The following ADAMTS3 variants were observed in gnomAD, a reference collection of about 807,000 sequenced individuals.
ADAMTS3 encodes A disintegrin and metalloproteinase with thrombospondin motifs 3.
Under a neutral mutation model 129.0 loss-of-function variants are expected in ADAMTS3, and 73 were observed. The ratio of observed to expected loss-of-function variants is 0.57; its 90% CI spans 0.47 to 0.69. The LOEUF is 0.69. Among genes scored for constraint, ADAMTS3 ranks in the 30% least tolerant of loss-of-function variants. The probability of loss-of-function intolerance (pLI) is 0.00; values close to 1 mark genes in which losing one functional copy is unlikely to be tolerated. For synonymous variants in ADAMTS3, 477 were observed against 510.8 expected (o/e 0.93, Z 0.89); for missense variants, 1,457 against 1,514.5 (o/e 0.96, Z 0.63).
intron 2 of ADAMTS3, among the ~76,000 whole-genome samples, chr4:72,556,276 A>G (rs1721764802): frequency 1.3e-5 from 2 of 151,698 alleles, no homozygotes; most frequent in Admixed American, 1.3e-4. Flanking sequence ...GGATCATCTT[A>G]ACTCCTTTAC....
chr4:72,530,458 A>G (rs1304649044), intron 3 of ADAMTS3, among the ~76,000 whole-genome samples: 3 of 90,764 alleles, frequency 3.3e-5, no homozygotes, highest in African/African-American at 1.4e-4. Context: ...TATATTATAT[A>G]TTAAATATAT....
chr4:72,498,526 C>A (rs1232390136), intron 3 of ADAMTS3, among the ~76,000 whole-genome samples: 1 of 151,908 alleles, frequency 6.6e-6, no homozygotes, highest in Non-Finnish European at 1.5e-5. Context: ...TTTGGGCATA[C>A]CTACTAAATC....
rs1213445293 is a variant in ADAMTS3, at chr4:72,309,499, T to C, written c.2077A>G (p.Ile693Val). The C allele has an allele frequency of 1.2e-6, 2 of 1,611,706 alleles. No individual in the cohort carries two copies. Among genetic ancestry groups the C allele is most frequent in the African/African-American group, 2.7e-5 (2 of 74,780 alleles). Residue 693 changes from isoleucine (I) to valine (V), a missense_variant, in exon 15 of 22, where the codon ATT becomes GTT. Ile to Val is a conservative substitution (Grantham distance 29). Coordinates refer to ENST00000286657, the MANE Select transcript of ADAMTS3 (RefSeq NM_014243.3). ...TTATCCTCAACCTTATTAGAACCAA[T>C]TTCTTTATCACAGCCCACTTTCTGG... Reference protein sequence around the residue: ...ECVKVGCDKEIGSNKVEDKCG... With the variant: ...ECVKVGCDKEVGSNKVEDKCG...
At chr4:72,432,732 G>T (rs868760648) in intron 3 of ADAMTS3, among the ~76,000 whole-genome samples, 2 of 151,822 alleles carry the variant, frequency 1.3e-5, no homozygotes, top group Non-Finnish European at 2.9e-5. Flanking sequence ...TATGCTGATG[G>T]TATCAAGGAC....
intron 3 of ADAMTS3, among the ~76,000 whole-genome samples, chr4:72,425,016 A>G (rs1480958980): frequency 6.6e-6 from 1 of 152,136 alleles, no homozygotes; most frequent in South Asian, 2.1e-4. Context: ...TGAATGACAT[A>G]TAAGTCCTAT....
intron 3 of ADAMTS3, among the ~76,000 whole-genome samples, chr4:72,427,877 T>C (rs1009688378): frequency 6.6e-6 from 1 of 152,094 alleles, no homozygotes; most frequent in African/African-American, 2.4e-5. Context: ...ACACAATATA[T>C]CTGTTGCTAA....
chr4:72,562,761 A>T (rs1459139159), intron 2 of ADAMTS3, among the ~76,000 whole-genome samples: 1 of 152,226 alleles, frequency 6.6e-6, no homozygotes, highest in African/African-American at 2.4e-5. Flanking sequence ...CTGACTAATT[A>T]AAAAGAAAAA....
At chr4:72,447,836 C>T (rs1053848598) in intron 3 of ADAMTS3, among the ~76,000 whole-genome samples, 1 of 151,724 alleles carries the variant, frequency 6.6e-6, no homozygotes, top group East Asian at 2.0e-4. Context: ...TAGAAAGCCA[C>T]CCCATGTGGC....
intron 21 of ADAMTS3, 68 bp from the exon 22 acceptor site, chr4:72,283,772 TA>T (rs1355541730): frequency 7.4e-7 from 1 of 1,353,216 alleles, no homozygotes. Context: ...GGAAAAAAAT[TA>T]AAATTTTTAA....
At chr4:72,508,926 T>C (rs1257295038) in intron 3 of ADAMTS3, among the ~76,000 whole-genome samples, 2 of 152,088 alleles carry the variant, frequency 1.3e-5, no homozygotes, top group Admixed American at 6.5e-5. Context: ...ATCAAGCATC[T>C]TCTCTAACCA....
intron 4 of ADAMTS3, among the ~76,000 whole-genome samples, chr4:72,401,720 A>T (rs2109909659): frequency 6.6e-6 from 1 of 152,190 alleles, no homozygotes; most frequent in East Asian, 1.9e-4. Flanking sequence ...TGTAGTTGTG[A>T]TTTAAGAAAA....
At position 72,298,430 on chromosome 4, in the gene ADAMTS3, C is replaced by A; in HGVS notation, c.2437G>T (p.Glu813Ter). Residue 813 changes from glutamate (E) to a stop codon, truncating the protein, a stop_gained, in exon 18 of 22, where the codon GAA (glutamate) becomes TAA (stop). Coordinates refer to ENST00000286657, the MANE Select transcript of ADAMTS3 (RefSeq NM_014243.3). LOFTEE classifies it high-confidence loss of function. The stretch of plus-strand genomic sequence containing the variant: ...GTCAGGCTAGAGCGGGTATCATTTT[C>A]TTGAGGTATAATCTAACATACACAT... ...DPVIVLIIPQ[E>*]NDTRSSLTYK... 1 of 1,602,992 alleles carries A rather than the reference C, an allele frequency of 6.2e-7. No individual in the cohort carries two copies. Among genetic ancestry groups the A allele is most frequent in the South Asian group, 1.1e-5 (1 of 89,202 alleles).
intron 4 of ADAMTS3, among the ~76,000 whole-genome samples, chr4:72,342,966 G>C (rs1720177931): frequency 6.6e-6 from 1 of 152,150 alleles, no homozygotes; most frequent in Non-Finnish European, 1.5e-5. Flanking sequence ...AGGTTTAACA[G>C]GCAAAAGAAG....
rs972047101 is a variant in ADAMTS3, at chr4:72,282,218, C to T, written c.*918G>A. On this transcript the variant is annotated 3_prime_UTR_variant, in exon 22 of 22. Coordinates refer to ENST00000286657, the MANE Select transcript of ADAMTS3 (RefSeq NM_014243.3). ...ACAATGCGAAAATTAAAAAAGAACA[C>T]ACACACACAAAAACAAAGGACACCT... is the stretch of plus-strand genomic sequence containing the variant. The T allele has an allele frequency of 6.6e-5, 10 of 152,126 alleles. No individual in the cohort carries two copies. Among genetic ancestry groups the T allele is most frequent in the African/African-American group, 2.4e-4 (10 of 41,414 alleles). The allele number at this position is 152,126 out of a possible 1,614,324, so 9.4% of individuals were successfully genotyped here.
At chr4:72,499,451 C>G (rs531283170) in intron 3 of ADAMTS3, among the ~76,000 whole-genome samples, 24 of 152,188 alleles carry the variant, frequency 1.6e-4, no homozygotes, top group African/African-American at 5.8e-4. Context: ...ATAAATTCCA[C>G]TAAAAAATGA....
At chr4:72,440,972 A>G (rs572085429) in intron 3 of ADAMTS3, among the ~76,000 whole-genome samples, 1 of 151,820 alleles carries the variant, frequency 6.6e-6, no homozygotes, top group East Asian at 2.0e-4. Flanking sequence ...TACAATGAGT[A>G]TTCACAATTG....
intron 3 of ADAMTS3, among the ~76,000 whole-genome samples, chr4:72,476,440 T>C (rs953711789): frequency 6.6e-6 from 1 of 152,042 alleles, no homozygotes; most frequent in Non-Finnish European, 1.5e-5. Flanking sequence ...AATTTAAACA[T>C]CCTTGTAACC....
chr4:72,513,203 A>G (rs1720363160), intron 3 of ADAMTS3, among the ~76,000 whole-genome samples: 1 of 152,156 alleles, frequency 6.6e-6, no homozygotes, highest in Admixed American at 6.5e-5. Context: ...GATAAAATTT[A>G]TGTTTTCTAC....
At chr4:72,496,714 C>G (rs1314162937) in intron 3 of ADAMTS3, among the ~76,000 whole-genome samples, 1 of 152,000 alleles carries the variant, frequency 6.6e-6, no homozygotes, top group Non-Finnish European at 1.5e-5. Context: ...GTAAGGAAGG[C>G]TCTTTGAACG....
Sources: gnomAD v4.1 joint callset for allele counts (sites outside exome capture counted in the v4.1 genomes callset) on GRCh38, gnomAD v4.1.1 for gene constraint, MANE v1.5 for transcripts, NCBI Gene and HGNC (gene_info 2026-07-23, HGNC 2026-07-21) for gene names.